FARS2: variants seen among roughly 807,000 people sequenced by gnomAD.
FARS2 encodes the protein phenylalanine--tRNA ligase, mitochondrial.
Under a neutral mutation model 46.4 loss-of-function variants are expected in FARS2, and 40 were observed. That is an observed-to-expected ratio of 0.86 (90% confidence interval 0.67 to 1.12). The LOEUF (loss-of-function observed/expected upper bound fraction) is 1.12, where lower values mean the gene tolerates loss of function less well. Ranked by LOEUF, FARS2 falls within the 50% of genes most tolerant of loss-of-function variation. FARS2 has a pLI of 0.00. For synonymous variants in FARS2, 234 were observed against 214.9 expected (o/e 1.09, Z -0.78); for missense variants, 513 against 567.9 (o/e 0.90, Z 0.98).
intron 1 of FARS2, among the ~76,000 whole-genome samples, chr6:5,302,945 A>G (rs903001414): frequency 6.6e-5 from 10 of 152,150 alleles, no homozygotes; most frequent in African/African-American, 2.4e-4. Context: ...CTGCTGAGGA[A>G]CGAGAGTAAA....
chr6:5,760,965 AGAG>A (rs1158383289), intron 6 of FARS2, among the ~76,000 whole-genome samples: 63 of 152,362 alleles, frequency 4.1e-4, no homozygotes, highest in African/African-American at 1.5e-3. Context: ...CGCCGTCTGA[AGAG>A]GTCCCTATTG....
chr6:5,483,899 G>C (rs536603562), intron 4 of FARS2, among the ~76,000 whole-genome samples: 1 of 152,004 alleles, frequency 6.6e-6, no homozygotes, highest in Non-Finnish European at 1.5e-5. Context: ...TAATTTGAAC[G>C]GATTCAGGGC....
intron 4 of FARS2, among the ~76,000 whole-genome samples, chr6:5,461,196 G>A (rs935845454): frequency 2.0e-5 from 3 of 151,878 alleles, no homozygotes; most frequent in African/African-American, 4.8e-5. Flanking sequence ...GCACCATCAC[G>A]CCTGGCTAAT....
At chr6:5,485,210 T>C (rs1766704065) in intron 4 of FARS2, among the ~76,000 whole-genome samples, 1 of 152,170 alleles carries the variant, frequency 6.6e-6, no homozygotes, top group Admixed American at 6.5e-5. Flanking sequence ...TGATGTAGCA[T>C]TGAGTGTGGT....
chr6:5,397,442 C>G (rs1408809150), intron 2 of FARS2, among the ~76,000 whole-genome samples: 1 of 152,074 alleles, frequency 6.6e-6, no homozygotes, highest in Non-Finnish European at 1.5e-5. Flanking sequence ...AAACTAAGGA[C>G]TTTGGGTGAT....
intron 4 of FARS2, among the ~76,000 whole-genome samples, chr6:5,498,068 G>T (rs1767576269): frequency 6.6e-6 from 1 of 152,120 alleles, no homozygotes; most frequent in Non-Finnish European, 1.5e-5. Context: ...GGAATGGAAG[G>T]GACTCTCTAG....
At chr6:5,406,036 A>T (rs1761573055) in intron 3 of FARS2, among the ~76,000 whole-genome samples, 1 of 152,136 alleles carries the variant, frequency 6.6e-6, no homozygotes, top group Admixed American at 6.5e-5. Flanking sequence ...AGCTATTTTT[A>T]ACTTAATTGA....
chr6:5,755,414 C>G (rs917107008), intron 6 of FARS2, among the ~76,000 whole-genome samples: 1 of 152,060 alleles, frequency 6.6e-6, no homozygotes, highest in Non-Finnish European at 1.5e-5. Flanking sequence ...TGTTCAACTC[C>G]CACTTATGAG....
At chr6:5,588,911 C>T (rs1320821130) in intron 5 of FARS2, among the ~76,000 whole-genome samples, 1 of 152,218 alleles carries the variant, frequency 6.6e-6, no homozygotes, top group South Asian at 2.1e-4. Flanking sequence ...TCGCCATAGG[C>T]AATCAGCTCT....
At chr6:5,731,225 G>T (rs188058648) in intron 6 of FARS2, among the ~76,000 whole-genome samples, 1 of 152,256 alleles carries the variant, frequency 6.6e-6, no homozygotes, top group Non-Finnish European at 1.5e-5. Flanking sequence ...CAGATCCCAG[G>T]AACTACCACT....
At chr6:5,628,561 G>A (rs1474066073) in intron 6 of FARS2, among the ~76,000 whole-genome samples, 3 of 152,232 alleles carry the variant, frequency 2.0e-5, no homozygotes, top group East Asian at 1.9e-4. Flanking sequence ...CTGGGCAGGC[G>A]AGGCCTCTTC....
intron 5 of FARS2, among the ~76,000 whole-genome samples, chr6:5,561,495 T>C (rs868841130): frequency 2.0e-5 from 3 of 152,290 alleles, no homozygotes; most frequent in Middle Eastern, 3.4e-3. Flanking sequence ...GAAGATGCTA[T>C]TTCTGCCTTC....
intron 1 of FARS2, among the ~76,000 whole-genome samples, chr6:5,336,940 A>G (rs2127585927): frequency 6.6e-6 from 1 of 152,156 alleles, no homozygotes; most frequent in East Asian, 1.9e-4. Context: ...TTCTTTTGTA[A>G]AACAGTCATT....
chr6:5,415,314 T>TTC (rs1762170991), intron 3 of FARS2, among the ~76,000 whole-genome samples: 1 of 127,828 alleles, frequency 7.8e-6, no homozygotes, highest in Non-Finnish European at 1.7e-5. Context: ...TCTTTTCTTT[T>TTC]TTTTTTTTTT....
intron 1 of FARS2, among the ~76,000 whole-genome samples, chr6:5,315,000 C>G (rs1769345905): frequency 6.6e-6 from 1 of 152,164 alleles, no homozygotes; most frequent in African/African-American, 2.4e-5. Context: ...TCTGAATTTA[C>G]AAAGCACGCA....
chr6:5,326,028 G>A (rs1297018536), intron 1 of FARS2, among the ~76,000 whole-genome samples: 2 of 152,136 alleles, frequency 1.3e-5, no homozygotes, highest in Non-Finnish European at 2.9e-5. Context: ...GCATTTATAG[G>A]GACAATGTTT....
intron 2 of FARS2, among the ~76,000 whole-genome samples, chr6:5,371,000 G>T (rs901628869): frequency 5.9e-5 from 9 of 152,144 alleles, no homozygotes; most frequent in Non-Finnish European, 1.0e-4. Flanking sequence ...ATGAGGTCCC[G>T]AAAGGTTTAG....
At chr6:5,424,937 T>C (rs1228687331) in intron 3 of FARS2, among the ~76,000 whole-genome samples, 1 of 152,188 alleles carries the variant, frequency 6.6e-6, no homozygotes, top group Non-Finnish European at 1.5e-5. Flanking sequence ...CGTGGTTAGA[T>C]TGTGGTTATC....
At chr6:5,349,230 G>A (rs1757422367) in intron 1 of FARS2, among the ~76,000 whole-genome samples, 1 of 152,162 alleles carries the variant, frequency 6.6e-6, no homozygotes, top group Non-Finnish European at 1.5e-5. Flanking sequence ...AATATCATTT[G>A]TAATCACTCT....
Sources: allele counts gnomAD v4.1 joint callset (sites outside exome capture counted in the v4.1 genomes callset), GRCh38; gene constraint gnomAD v4.1.1; transcripts MANE v1.5; gene names NCBI Gene and HGNC (gene_info 2026-07-23, HGNC 2026-07-21).